The following PITPNB variants were observed in gnomAD, a reference collection of about 807,000 sequenced individuals.
The protein encoded by PITPNB is phosphatidylinositol transfer protein beta, also known as phosphatidylinositol transfer protein beta isoform.
Under a neutral mutation model 45.9 loss-of-function variants are expected in PITPNB, and 16 were observed. The observed-to-expected ratio is 0.35, with a 90% CI of 0.24 to 0.53. The LOEUF is 0.53. PITPNB is among the 20% of genes least tolerant of loss of function. PITPNB has a pLI of 0.93. For missense variants in PITPNB, 188 were observed against 330.5 expected (o/e 0.57, Z 3.34); for synonymous variants, 112 against 108.9 (o/e 1.03, Z -0.18).
intron 1 of PITPNB, among the ~76,000 whole-genome samples, chr22:27,916,223 G>A (rs924430494): frequency 6.6e-6 from 1 of 152,202 alleles, no homozygotes; most frequent in African/African-American, 2.4e-5. Context: ...AAGACATTCA[G>A]AACAATGAGT....
chr22:27,885,776 A>G (rs1935106676), intron 7 of PITPNB, among the ~76,000 whole-genome samples: 1 of 152,226 alleles, frequency 6.6e-6, no homozygotes, highest in Admixed American at 6.5e-5. Flanking sequence ...TTGAACAATA[A>G]AAACTTCAAC....
intron 3 of PITPNB, among the ~76,000 whole-genome samples, chr22:27,908,265 T>A (rs1935820680): frequency 6.8e-6 from 1 of 147,024 alleles, no homozygotes; most frequent in African/African-American, 2.5e-5. Context: ...TAAGTGGGAT[T>A]TTTTAAATCA....
intron 7 of PITPNB, among the ~76,000 whole-genome samples, chr22:27,889,589 T>C (rs770580830): frequency 5.9e-5 from 9 of 152,218 alleles, no homozygotes; most frequent in Non-Finnish European, 7.3e-5. Flanking sequence ...CTTTTCAGCT[T>C]TGCATTCTTA....
intron 5 of PITPNB, 29 bp downstream of exon 5, chr22:27,897,101 G>A: frequency 4.1e-6 from 6 of 1,480,178 alleles, no homozygotes; most frequent in Non-Finnish European, 5.7e-6. Flanking sequence ...GATAAAGAAA[G>A]TATGAGACAC....
intron 7 of PITPNB, among the ~76,000 whole-genome samples, chr22:27,888,084 C>T (rs1436862461): frequency 6.6e-6 from 1 of 152,180 alleles, no homozygotes; most frequent in Non-Finnish European, 1.5e-5. Context: ...CATAACTAAG[C>T]AAACTATTTT....
chr22:27,919,027 AG>A, intron 1 of PITPNB, 144 bp downstream of exon 1: 2 of 1,083,726 alleles, frequency 1.8e-6, no homozygotes. Flanking sequence ...GGGGCTTCGA[AG>A]GGGCCGGGGG....
intron 10 of PITPNB, among the ~76,000 whole-genome samples, chr22:27,856,029 A>G (rs1934162488): frequency 6.6e-6 from 1 of 152,228 alleles, no homozygotes; most frequent in African/African-American, 2.4e-5. Context: ...TAGGACTCAA[A>G]GCAGCAGCAT....
At chr22:27,912,381 C>A (rs1434901975) in intron 2 of PITPNB, among the ~76,000 whole-genome samples, 3 of 152,178 alleles carry the variant, frequency 2.0e-5, no homozygotes, top group African/African-American at 7.2e-5. Context: ...TGCATTTCTC[C>A]TTTTGGCTTT....
intron 1 of PITPNB, among the ~76,000 whole-genome samples, chr22:27,914,674 TTGTC>T (rs1210495188): frequency 6.6e-6 from 1 of 152,210 alleles, no homozygotes; most frequent in African/African-American, 2.4e-5. Context: ...TATTTGCAGA[TTGTC>T]TGGTCAGGTT....
At chr22:27,889,647 G>A (rs555276549) in intron 7 of PITPNB, among the ~76,000 whole-genome samples, 2 of 152,228 alleles carry the variant, frequency 1.3e-5, no homozygotes, top group East Asian at 1.9e-4. Flanking sequence ...TTTGGACCAC[G>A]CTGTAAGCCT....
chr22:27,887,502 G>A (rs1935154811), intron 7 of PITPNB, among the ~76,000 whole-genome samples: 1 of 151,968 alleles, frequency 6.6e-6, no homozygotes, highest in South Asian at 2.1e-4. Flanking sequence ...CTGGTCCCCG[G>A]AACAAGACAG....
intron 3 of PITPNB, among the ~76,000 whole-genome samples, chr22:27,909,928 C>T (rs1354098059): frequency 1.3e-5 from 2 of 151,378 alleles, no homozygotes; most frequent in East Asian, 1.9e-4. Context: ...CATAAGCGTA[C>T]ACCACCATGC....
chr22:27,866,815 G>T (rs1417117410), intron 8 of PITPNB, among the ~76,000 whole-genome samples: 1 of 152,166 alleles, frequency 6.6e-6, no homozygotes, highest in Admixed American at 6.5e-5. Flanking sequence ...ATTCTGTGAT[G>T]TTAAGTTTCC....
At chr22:27,892,380 T>C (rs755934450) in intron 7 of PITPNB, among the ~76,000 whole-genome samples, 11 of 152,206 alleles carry the variant, frequency 7.2e-5, no homozygotes, top group Non-Finnish European at 1.6e-4. Context: ...ACCAAAGGTA[T>C]CTTGTACTCT....
intron 11 of PITPNB, among the ~76,000 whole-genome samples, chr22:27,854,642 CT>C (rs1391006171): frequency 4.6e-5 from 7 of 152,200 alleles, no homozygotes; most frequent in Non-Finnish European, 1.0e-4. Flanking sequence ...ACACTAAAAA[CT>C]AACCCAGGAT....
chr22:27,857,206 T>C (rs1420619195), intron 10 of PITPNB, among the ~76,000 whole-genome samples: 5 of 152,304 alleles, frequency 3.3e-5, no homozygotes, highest in Admixed American at 3.3e-4. Context: ...TAACATTGTC[T>C]CTATGGGAAA....
At chr22:27,854,405 G>A (rs1462752308) in intron 11 of PITPNB, among the ~76,000 whole-genome samples, 5 of 152,172 alleles carry the variant, frequency 3.3e-5, no homozygotes, top group Non-Finnish European at 5.9e-5. Context: ...AGACTTTCTG[G>A]TGCACAGAAA....
At chr22:27,900,893 T>C (rs951127006) in intron 3 of PITPNB, among the ~76,000 whole-genome samples, 10 of 152,198 alleles carry the variant, frequency 6.6e-5, no homozygotes, top group African/African-American at 2.2e-4. Context: ...TGAACAATAG[T>C]AAGGCCCTTT....
chr22:27,863,340 T>C (rs1934393203), intron 8 of PITPNB, among the ~76,000 whole-genome samples: 1 of 152,192 alleles, frequency 6.6e-6, no homozygotes, highest in African/African-American at 2.4e-5. Flanking sequence ...ACTAAGGTCC[T>C]TGAGGGCCAG....
Sources: gnomAD v4.1 joint callset for allele counts (sites outside exome capture counted in the v4.1 genomes callset) on GRCh38, gnomAD v4.1.1 for gene constraint, MANE v1.5 for transcripts, NCBI Gene and HGNC (gene_info 2026-07-23, HGNC 2026-07-21) for gene names.